The following ARFGEF3 variants were observed in gnomAD, a reference collection of about 807,000 sequenced individuals.
ARFGEF3 encodes the protein ARFGEF family member 3, also known as brefeldin A-inhibited guanine nucleotide-exchange protein 3.
Under a neutral mutation model 221.7 loss-of-function variants are expected in ARFGEF3, and 96 were observed. The observed-to-expected ratio is 0.43, with a 90% CI of 0.37 to 0.51. The LOEUF (loss-of-function observed/expected upper bound fraction) is 0.51. Among genes scored for constraint, ARFGEF3 ranks in the 20% least tolerant of loss-of-function variants. The pLI is 0.00. For missense variants in ARFGEF3, 2,410 were observed against 2,789.9 expected, an observed-to-expected ratio of 0.86 and a Z score of 3.07; for synonymous variants, 1,145 against 1,126.8, an observed-to-expected ratio of 1.02 and a Z score of -0.32.
At chr6:138,214,974 C>T (rs1777811169) in intron 4 of ARFGEF3, among the ~76,000 whole-genome samples, 1 of 152,180 alleles carries the variant, frequency 6.6e-6, no homozygotes, top group African/African-American at 2.4e-5. Flanking sequence ...ATGGTCAGAA[C>T]TGTACAGAAT....
chr6:138,221,351 A>G (rs1777980025), intron 4 of ARFGEF3, among the ~76,000 whole-genome samples: 2 of 152,202 alleles, frequency 1.3e-5, no homozygotes, highest in African/African-American at 2.4e-5. Context: ...AGGGGTAATT[A>G]AGAATTTTAG....
At chr6:138,200,288 C>T (rs1245729320) in intron 2 of ARFGEF3, among the ~76,000 whole-genome samples, 1 of 152,088 alleles carries the variant, frequency 6.6e-6, no homozygotes, top group Non-Finnish European at 1.5e-5. Context: ...CCCATAAAAA[C>T]ACCACCATCA....
At chr6:138,261,001 G>A (rs1031009262) in intron 10 of ARFGEF3, among the ~76,000 whole-genome samples, 18 of 152,110 alleles carry the variant, frequency 1.2e-4, no homozygotes, top group Non-Finnish European at 2.9e-5. Flanking sequence ...TTAGAGAAAT[G>A]GAGGAACTAG....
chr6:138,303,951 G>A (rs1779674143), intron 22 of ARFGEF3, among the ~76,000 whole-genome samples: 1 of 151,400 alleles, frequency 6.6e-6, no homozygotes, highest in African/African-American at 2.4e-5. Flanking sequence ...CCCTACTGGT[G>A]AGAGGGTAAA....
At chr6:138,176,024 T>C (rs906770021) in intron 2 of ARFGEF3, among the ~76,000 whole-genome samples, 3 of 152,194 alleles carry the variant, frequency 2.0e-5, no homozygotes, top group Admixed American at 6.5e-5. Flanking sequence ...TTGTTTTTGA[T>C]TTAAAGTCTG....
At chr6:138,332,612 T>C (rs1159326012) in intron 32 of ARFGEF3, among the ~76,000 whole-genome samples, 1 of 152,002 alleles carries the variant, frequency 6.6e-6, no homozygotes, top group Non-Finnish European at 1.5e-5. Flanking sequence ...GCTGGGAAAA[T>C]GGAGAGTTGT....
chr6:138,206,823 T>C (rs1777631817), intron 2 of ARFGEF3, among the ~76,000 whole-genome samples: 1 of 152,236 alleles, frequency 6.6e-6, no homozygotes. Context: ...TGTTTGCTCT[T>C]CCTGTAGCCA....
chr6:138,240,609 A>G (rs1051785435), intron 6 of ARFGEF3, among the ~76,000 whole-genome samples: 1 of 152,034 alleles, frequency 6.6e-6, no homozygotes, highest in Non-Finnish European at 1.5e-5. Context: ...ATCTGGACTC[A>G]CCCCAACCGG....
chr6:138,267,776 C>T (rs1375830275), intron 12 of ARFGEF3, among the ~76,000 whole-genome samples: 1 of 152,070 alleles, frequency 6.6e-6, no homozygotes, highest in African/African-American at 2.4e-5. Flanking sequence ...TGCAGACTGC[C>T]CAAATTTTAG....
chr6:138,229,836 T>C lies in ARFGEF3; in HGVS notation c.404T>C (p.Val135Ala). 1 of 1,613,726 alleles carries C rather than the reference T, an allele frequency of 6.2e-7. No homozygotes were observed. The change falls in exon 5 of 34, where the codon GTG (valine) becomes GCG (alanine). Residue 135 changes from valine (V) to alanine (A), a missense_variant. By Grantham distance (64) the Val-to-Ala change is moderately conservative (BLOSUM62 0). This residue lies in a region of ARFGEF3 where 570 missense variants were observed against 586.9 expected (regional missense o/e 0.97). Transcript: ENST00000251691. Reference protein sequence around the residue: ...TPTFDLNGSAVLKIAEVCIET... With the variant: ...TPTFDLNGSAALKIAEVCIET... ...ACATTTGATCTGAATGGGAGTGCCG[T>C]GCTGAAGATCGCGGAGGTGAGTACT...
Position 138,337,272 on chromosome 6 carries a change from C to T in ARFGEF3, c.*786C>T, listed in dbSNP as rs575909817. 5.2e-5 allele frequency: 8 copies of T among 152,742 alleles called. No individual in the cohort carries two copies. In the South Asian group the frequency reaches 1.5e-3, roughly 28 times the overall value. 9.5% of individuals were successfully genotyped at this position (152,742 alleles called of 1,614,324 possible). A position where few individuals can be genotyped will look rare whatever the true frequency, so the allele number is the denominator to read the frequency against. Reference sequence around the variant, plus strand: ...CAAGAGACATAAGACCGACCAGCCACCCTGGCTGTTCTTGTGGTGTTTGTT... The same window carrying T: ...CAAGAGACATAAGACCGACCAGCCATCCTGGCTGTTCTTGTGGTGTTTGTT... On this transcript the variant is annotated 3_prime_UTR_variant, in exon 34 of 34. Coordinates refer to ENST00000251691, the MANE Select transcript of ARFGEF3 (RefSeq NM_020340.5).
At chr6:138,206,953 C>G in intron 2 of ARFGEF3, 89 bp from the exon 3 acceptor site, 1 of 895,830 alleles carries the variant, frequency 1.1e-6, no homozygotes, top group Admixed American at 2.1e-5. Context: ...TGTGTAGTGG[C>G]ATTTGGGGGT....
intron 24 of ARFGEF3, 84 bp downstream of exon 24, chr6:138,308,945 A>G (rs1779776551): frequency 6.6e-7 from 1 of 1,514,392 alleles, no homozygotes; most frequent in Non-Finnish European, 9.1e-7. Flanking sequence ...GGGCCTACTG[A>G]CTGTCTGGAA....
rs1275502263 is a variant in ARFGEF3 at position 138,339,747 on chromosome 6, A to G, written c.*3261A>G. On this transcript the variant is annotated 3_prime_UTR_variant, in exon 34 of 34. Coordinates refer to ENST00000251691, the MANE Select transcript of ARFGEF3 (RefSeq NM_020340.5). The stretch of plus-strand genomic sequence containing the variant: ...CCACAGCATCTCACCTAGCTCCTGT[A>G]TCTCCTGATCTGCTTTTAAAAATAG... 1 of 152,168 alleles carries G rather than the reference A, an allele frequency of 6.6e-6. No homozygotes were observed. Among genetic ancestry groups the G allele is most frequent in the Admixed American group, 6.5e-5 (1 of 15,272 alleles). 9.4% of individuals were successfully genotyped at this position (152,168 alleles called of 1,614,324 possible).
In ARFGEF3 at chr6:138,255,607, G is replaced by T. The variant is rs765916242; in HGVS notation, c.942G>T (p.Leu314=). 4 of 1,613,960 alleles carry T rather than the reference G, an allele frequency of 2.5e-6. No individual in the cohort carries two copies. The South Asian group carries it at 4.4e-5, about 18-fold the overall frequency. ...GSGCSCTAPA[L]SGPVARTIYY... is the part of the protein sequence containing the mutation. ...GCTGCTCCTGCACTGCGCCGGCCCT[G>T]AGCGGACCTGTGGCTCGGACTATCT... Residue 314 remains leucine, a synonymous_variant, in exon 10 of 34, where the codon CTG becomes CTT. Transcript: ENST00000251691.
chr6:138,263,606 G>A lies in ARFGEF3; in HGVS notation c.2123G>A (p.Cys708Tyr). The change falls in exon 12 of 34, where the codon TGC becomes TAC. Residue 708 changes from cysteine to tyrosine, a missense_variant. Physicochemically the swap from Cys to Tyr is radical, Grantham distance 194. Around this residue, in one of 5 missense-constraint regions of ARFGEF3, gnomAD observed 594 missense variants for 734.3 expected, o/e 0.81. Coordinates refer to ENST00000251691, the MANE Select transcript of ARFGEF3 (RefSeq NM_020340.5). The part of the protein sequence containing the change: ...TALQNFASTF[C>Y]SGMMHSPGFD... ...CTGCAGAACTTTGCCTCTACTTTCTGCTCAGGTTTGTAAACAATTCTCTGC... is the reference window on the plus strand; with the variant it reads ...CTGCAGAACTTTGCCTCTACTTTCTACTCAGGTTTGTAAACAATTCTCTGC... The A allele has an allele frequency of 6.3e-7, 1 of 1,594,804 alleles. No homozygotes were observed. Among genetic ancestry groups the A allele is most frequent in the East Asian group, 2.2e-5 (1 of 44,584 alleles).
chr6:138,229,785 T>A lies in ARFGEF3; in HGVS notation c.353T>A (p.Val118Asp). 1 of 1,613,132 alleles carries A rather than the reference T, an allele frequency of 6.2e-7. No homozygotes were observed. Among genetic ancestry groups the A allele is most frequent in the Non-Finnish European group, 8.5e-7 (1 of 1,179,236 alleles). ...NEDLQVEVMK[V>D]LLCITYTPTF... ...CTTTCATCTCTCACCTTGTTAAAGG[T>A]TTTACTATGCATCACCTACACGCCA... The change falls in exon 5 of 34, where the codon GTT becomes GAT. Residue 118 changes from valine (V) to aspartate (D), a missense_variant and splice_region_variant. Val to Asp is a radical substitution (Grantham distance 152). Coordinates refer to ENST00000251691, the MANE Select transcript of ARFGEF3 (RefSeq NM_020340.5).
Position 138,262,753 on chromosome 6 carries a change from T to C in ARFGEF3, c.1270T>C (p.Tyr424His). The C allele has an allele frequency of 6.2e-7, 1 of 1,612,020 alleles. No homozygotes were observed. The highest frequency in any genetic ancestry group is 1.1e-5 in the South Asian group (1 of 91,040). The change falls in exon 12 of 34, where the codon TAT (tyrosine) becomes CAT (histidine). Residue 424 changes from tyrosine to histidine, a missense_variant. Transcript: ENST00000251691. ...ACIKGGIEAC[Y>H]AAVSCVCTLL... ...CATCAAGGGTGGCATCGAAGCTTGC[T>C]ATGCAGCCGTGTCCTGTGTCTGCAC...
rs182930887 is a variant in ARFGEF3, at chr6:138,296,811, A to G, written c.3504A>G (p.Gly1168=). Residue 1168 remains glycine (G), a splice_region_variant and synonymous_variant, in exon 21 of 34, where the codon GGA becomes GGG. Transcript: ENST00000251691. The part of the protein sequence containing the change: ...DTVDYSLAMP[G]EVKSTQDRKS... ...ATTTATGTTCTTGCCTTCCTGTAGG[A>G]GAAGTTAAATCCACTCAAGACCGAA... 4.3e-6 allele frequency: 7 copies of G among 1,613,300 alleles called. No individual in the cohort carries two copies. In the Admixed American group the frequency reaches 1.2e-4, roughly 27 times the overall value.
Sources: gnomAD v4.1 joint callset for allele counts (sites outside exome capture counted in the v4.1 genomes callset) on GRCh38, gnomAD v4.1.1 for gene constraint, gnomAD v4.1.1 regional missense constraint, MANE v1.5 for transcripts, NCBI Gene and HGNC (gene_info 2026-07-23, HGNC 2026-07-21) for gene names.